Variants in RB1CC1 observed in about 807,000 individuals in gnomAD.
RB1CC1 encodes RB1-inducible coiled-coil protein 1.
A neutral mutation model predicts 177.5 loss-of-function variants in RB1CC1; 46 were observed. The ratio of observed to expected loss-of-function variants is 0.26; its 90% CI spans 0.20 to 0.33. The LOEUF (loss-of-function observed/expected upper bound fraction) is 0.33. Ranked by LOEUF, RB1CC1 falls within the 10% of genes least tolerant of loss-of-function variation. RB1CC1 has a pLI of 1.00. For missense variants in RB1CC1, 1,703 were observed against 1,816.3 expected (o/e 0.94, Z 1.13); for synonymous variants, 666 against 613.6 (o/e 1.09, Z -1.26).
intron 23 of RB1CC1, among the ~76,000 whole-genome samples, chr8:52,624,468 G>T (rs145555340): frequency 1.8e-3 from 273 of 151,994 alleles, no homozygotes; most frequent in African/African-American, 6.3e-3. Context: ...CAACCCAACA[G>T]TCATAGAACA....
At chr8:52,677,699 A>T (rs914564707) in intron 5 of RB1CC1, among the ~76,000 whole-genome samples, 17 of 152,338 alleles carry the variant, frequency 1.1e-4, no homozygotes, top group African/African-American at 3.6e-4. Context: ...AATAAGTAAG[A>T]TGGTCTTTAT....
chr8:52,683,381 A>C (rs1853947060), intron 5 of RB1CC1, among the ~76,000 whole-genome samples, 168 bp downstream of exon 5: 1 of 152,228 alleles, frequency 6.6e-6, no homozygotes, highest in African/African-American at 2.4e-5. Context: ...TAGAATAACT[A>C]GCAATGTATG....
chr8:52,628,194 G>T, intron 21 of RB1CC1, 26 bp from the exon 22 acceptor site: 1 of 1,596,886 alleles, frequency 6.3e-7, no homozygotes, highest in South Asian at 1.1e-5. Flanking sequence ...CAATTTTATT[G>T]ACTTAGAGTT....
intron 21 of RB1CC1, among the ~76,000 whole-genome samples, chr8:52,629,760 A>G (rs547249088): frequency 1.3e-5 from 2 of 152,312 alleles, no homozygotes; most frequent in South Asian, 2.1e-4. Flanking sequence ...CTTTCTACTG[A>G]CAGCTCTTTC....
intron 15 of RB1CC1, among the ~76,000 whole-genome samples, chr8:52,652,635 A>C (rs1850705710): frequency 6.6e-6 from 1 of 152,200 alleles, no homozygotes; most frequent in Non-Finnish European, 1.5e-5. Context: ...CTGTGACAGA[A>C]GTTAGAGAGC....
In RB1CC1 at chr8:52,658,964, G is replaced by A. The variant is rs746206314; in HGVS notation, c.1702C>T (p.Arg568Ter). ...TCTGGAAGTTCACAGTCAAACTTTC[G>A]AGGCTTTTGAGTCTGTACCAAAAAA... ...WPPSFCTQKPRKFDCELPDIS... is the reference protein window; with the variant it reads ...WPPSFCTQKP Residue 568 changes from arginine (R) to a stop codon, truncating the protein, a stop_gained, in exon 13 of 24, where the codon CGA becomes TGA. Coordinates refer to ENST00000025008, the MANE Select transcript of RB1CC1 (RefSeq NM_014781.5). LOFTEE classifies it high-confidence loss of function. 1 of 1,545,662 alleles carries A rather than the reference G, an allele frequency of 6.5e-7. No homozygotes were observed. Among genetic ancestry groups the A allele is most frequent in the Non-Finnish European group, 8.7e-7 (1 of 1,146,142 alleles).
At chr8:52,626,981 G>A (rs1179176647) in intron 22 of RB1CC1, among the ~76,000 whole-genome samples, 1 of 152,128 alleles carries the variant, frequency 6.6e-6, no homozygotes, top group African/African-American at 2.4e-5. Flanking sequence ...CTTGGGCCCA[G>A]GAGTTCAAGG....
intron 8 of RB1CC1, among the ~76,000 whole-genome samples, chr8:52,664,445 G>T (rs1036082751): frequency 1.3e-5 from 2 of 152,060 alleles, no homozygotes; most frequent in Non-Finnish European, 2.9e-5. Context: ...CTCAGGTATC[G>T]AAGAAAGAAA....
intron 1 of RB1CC1, among the ~76,000 whole-genome samples, chr8:52,713,222 C>T (rs530849162): frequency 2.0e-5 from 3 of 152,306 alleles, no homozygotes; most frequent in South Asian, 4.1e-4. Context: ...TCTTTATCAA[C>T]AGTGAGCACA....
rs191938044 is a variant in RB1CC1 at position 52,657,587 on chromosome 8, G to A, written c.2242C>T (p.Pro748Ser). The change falls in exon 15 of 24, where the codon CCT becomes TCT. Residue 748 changes from proline to serine, a missense_variant. Physicochemically the swap from Pro to Ser is moderately conservative, Grantham distance 74. Around this residue, in one of 6 missense-constraint regions of RB1CC1, gnomAD observed 1,169 missense variants for 1,184.7 expected, o/e 0.99. Transcript: ENST00000025008. Reference sequence around the variant, plus strand: ...CTTTGTGGATCACTTATAGGATTAGGAGACGACAAATTTTCTTCTATTACA... The same window carrying A: ...CTTTGTGGATCACTTATAGGATTAGAAGACGACAAATTTTCTTCTATTACA... ...EFVIEENLSS[P>S]NPISDPQSPE... The A allele has an allele frequency of 1.3e-5, 21 of 1,614,038 alleles. No individual in the cohort carries two copies. The highest frequency in any genetic ancestry group is 1.8e-5 in the Non-Finnish European group (21 of 1,180,028).
chr8:52,698,293 T>G (rs1855636420), intron 1 of RB1CC1, among the ~76,000 whole-genome samples: 1 of 151,966 alleles, frequency 6.6e-6, no homozygotes, highest in Non-Finnish European at 1.5e-5. Flanking sequence ...TGCCCAGGGT[T>G]GTCTTGAATA....
In RB1CC1 at chr8:52,674,025, A is replaced by G. The variant is rs774088047; in HGVS notation, c.822T>C (p.Ser274=). ...GACAAGATTCCCTAATTTCTTTGCC[A>G]CTTTCAGCATCTGCGGTATCTGGGG... ...HVSPDTADAE[S]GKEIRESCQS... Residue 274 remains serine, a synonymous_variant, in exon 7 of 24, where the codon AGT becomes AGC. Transcript: ENST00000025008. 2.4e-5 allele frequency: 38 copies of G among 1,614,178 alleles called. 1 individual carries two copies. In the South Asian group the frequency reaches 3.8e-4, roughly 16 times the overall value.
chr8:52,660,478 A>C, intron 12 of RB1CC1, 118 bp downstream of exon 12: 2 of 990,308 alleles, frequency 2.0e-6, no homozygotes, highest in Middle Eastern at 2.6e-4. Flanking sequence ...AAACACTTTT[A>C]TTTTGATTTT....
At chr8:52,684,342 A>G (rs1854047130) in intron 3 of RB1CC1, among the ~76,000 whole-genome samples, 1 of 152,206 alleles carries the variant, frequency 6.6e-6, no homozygotes, top group Non-Finnish European at 1.5e-5. Context: ...TCCTATCCCT[A>G]TCTTCCAAAA....
intron 23 of RB1CC1, among the ~76,000 whole-genome samples, chr8:52,624,167 G>C (rs995959135): frequency 2.0e-5 from 3 of 151,956 alleles, no homozygotes; most frequent in Admixed American, 6.6e-5. Flanking sequence ...ATTGTTTTAA[G>C]TATCAAAGAA....
At chr8:52,658,997 A>G in intron 12 of RB1CC1, 21 bp from the exon 13 acceptor site, 1 of 1,424,376 alleles carries the variant, frequency 7.0e-7, no homozygotes, top group Non-Finnish European at 9.4e-7. Context: ...AAAATTAATT[A>G]CTTAAAAAAT....
rs1182373325 is a variant in RB1CC1 at position 52,657,994 on chromosome 8, T to C, written c.1920+4A>G. 1 of 1,613,454 alleles carries C rather than the reference T, an allele frequency of 6.2e-7. No homozygotes were observed. Among genetic ancestry groups the C allele is most frequent in the South Asian group, 1.1e-5 (1 of 90,950 alleles). The stretch of plus-strand genomic sequence containing the variant: ...AGAAAACTGTTTGAAAGAATTGAAT[T>C]TGCCTTTTGTTCACTCAGTAGATCT... On this transcript the variant is annotated splice_donor_region_variant and intron_variant, in intron 14 of 23. Transcript: ENST00000025008.
At chr8:52,709,322 T>C (rs955672415) in intron 1 of RB1CC1, among the ~76,000 whole-genome samples, 8 of 152,342 alleles carry the variant, frequency 5.3e-5, no homozygotes, top group Non-Finnish European at 1.0e-4. Context: ...CCAGAAAGTA[T>C]CTCACATACT....
intron 1 of RB1CC1, among the ~76,000 whole-genome samples, chr8:52,703,364 T>C (rs1389854897): frequency 1.3e-5 from 2 of 152,210 alleles, no homozygotes; most frequent in Non-Finnish European, 2.9e-5. Flanking sequence ...ATTCTTTTAA[T>C]GTTTACTTCT....
Sources: gnomAD v4.1 joint callset for allele counts (sites outside exome capture counted in the v4.1 genomes callset) on GRCh38, gnomAD v4.1.1 for gene constraint, gnomAD v4.1.1 regional missense constraint, MANE v1.5 for transcripts, NCBI Gene and HGNC (gene_info 2026-07-23, HGNC 2026-07-21) for gene names.